The following SFI1 variants were observed in gnomAD, a reference collection of about 807,000 sequenced individuals.
SFI1 encodes SFI1 centrin binding protein.
SFI1 carries 195 observed loss-of-function variants against 207.5 expected under a neutral mutation model. That is an observed-to-expected ratio of 0.94 (90% CI 0.84 to 1.06). The LOEUF is 1.06. SFI1 is among the 50% of genes least tolerant of loss of function. The pLI, the probability that SFI1 is intolerant of heterozygous loss-of-function variation, is 0.00. For missense variants in SFI1, 1,634 were observed against 1,588.0 expected (o/e 1.03, Z -0.49); for synonymous variants, 630 against 598.9 (o/e 1.05, Z -0.76).
intron 2 of SFI1, chr22:31,521,238 C>T (rs190563039): frequency 5.5e-6 from 1 of 182,042 alleles, no homozygotes; most frequent in Non-Finnish European, 1.2e-5. Context: ...CAATCAGAGA[C>T]TTGCGAATGT....
chr22:31,599,701 C>G (rs1479646923), intron 15 of SFI1, among the ~76,000 whole-genome samples: 3 of 151,946 alleles, frequency 2.0e-5, no homozygotes, highest in Non-Finnish European at 4.4e-5. Context: ...GTCTCAAACT[C>G]CTGGGGTCAA....
chr22:31,562,983 T>A (rs1359508221), intron 8 of SFI1, among the ~76,000 whole-genome samples: 3 of 142,286 alleles, frequency 2.1e-5, no homozygotes, highest in Non-Finnish European at 3.1e-5. Context: ...TCATCATCTT[T>A]TATATATATA....
chr22:31,573,411 T>A (rs1167471236), intron 9 of SFI1, among the ~76,000 whole-genome samples, 197 bp downstream of exon 9: 1 of 152,132 alleles, frequency 6.6e-6, no homozygotes, highest in Non-Finnish European at 1.5e-5. Context: ...TATCTGTATC[T>A]ATATCTATCT....
intron 2 of SFI1, among the ~76,000 whole-genome samples, chr22:31,519,015 C>T (rs774730701): frequency 3.3e-5 from 5 of 152,126 alleles, no homozygotes; most frequent in Non-Finnish European, 5.9e-5. Flanking sequence ...TGCCCTGTGC[C>T]CCTCTTCCCT....
chr22:31,536,012 T>A (rs1173737874), intron 4 of SFI1, among the ~76,000 whole-genome samples: 1 of 152,226 alleles, frequency 6.6e-6, no homozygotes. Flanking sequence ...GTGGCTTTTT[T>A]AATGGGGTAT....
chr22:31,519,685 G>A (rs746190580), intron 2 of SFI1, among the ~76,000 whole-genome samples: 3 of 151,942 alleles, frequency 2.0e-5, no homozygotes, highest in Non-Finnish European at 4.4e-5. Context: ...TGATCCACCC[G>A]CCTTGGCTTT....
chr22:31,578,462 C>T lies in SFI1; in HGVS notation c.1155+10C>T, dbSNP rs775425785. ...CAGGCACAGCCAGCTGGTAAGAGCC[C>T]TGCATCCTGGCACGGGTCCGCTTGG... On this transcript the variant is annotated intron_variant, in intron 11 of 32. Coordinates refer to ENST00000400288, the MANE Select transcript of SFI1 (RefSeq NM_001007467.3). 11 of 1,612,120 alleles carry T rather than the reference C, an allele frequency of 6.8e-6. No individual in the cohort carries two copies. In the African/African-American group the frequency reaches 1.5e-4, roughly 22 times the overall value.
chr22:31,530,489 CAAAAAAAAAAAAAAA>C (rs3069094), intron 3 of SFI1: 6 of 114,016 alleles, frequency 5.3e-5, no homozygotes, highest in Non-Finnish European at 7.9e-5. Context: ...AACTCTGTCT[CAAAAAAAAAAAAAAA>C]AAAAAAAAAG....
chr22:31,547,576 G>T (rs2060207183), intron 5 of SFI1, among the ~76,000 whole-genome samples: 2 of 151,908 alleles, frequency 1.3e-5, no homozygotes, highest in African/African-American at 4.8e-5. Flanking sequence ...CTCCCGAAGT[G>T]CTGGGATTAC....
At position 31,561,253 on chromosome 22, in the gene SFI1, T is replaced by C. The variant is rs1569312767; in HGVS notation, c.663-37T>C. The C allele has an allele frequency of 1.9e-6, 3 of 1,598,704 alleles. No homozygotes were observed. The Admixed American group carries it at 5.1e-5, about 27-fold the overall frequency. On this transcript the variant is annotated intron_variant, in intron 7 of 32. Transcript: ENST00000400288. ...CTCCTCTCTTTCCTGAGTGGCTTTT[T>C]ACTGATGGATTCCATCTTTGATTTG...
intron 4 of SFI1, among the ~76,000 whole-genome samples, chr22:31,541,590 C>G (rs879932465): frequency 9.9e-5 from 15 of 151,078 alleles, no homozygotes; most frequent in Non-Finnish European, 1.3e-4. Context: ...CCCGTTTGTA[C>G]TAAAAATACA....
intron 2 of SFI1, among the ~76,000 whole-genome samples, chr22:31,511,559 C>A (rs2055558839): frequency 6.6e-6 from 1 of 151,034 alleles, no homozygotes; most frequent in Admixed American, 6.7e-5. Flanking sequence ...CCTCTGCCTC[C>A]CAGTTCAAGC....
At chr22:31,560,400 CTTTTTTTT>C (rs398061887) in intron 7 of SFI1, among the ~76,000 whole-genome samples, 1 of 125,540 alleles carries the variant, frequency 8.0e-6, no homozygotes, top group South Asian at 2.6e-4. Flanking sequence ...TGGTAATACT[CTTTTTTTT>C]TTTTTTTTTT....
rs563200419 is a variant in SFI1, at chr22:31,563,416, G to C, written c.765+2024G>C. On this transcript the variant is annotated intron_variant, in intron 8 of 32. Transcript: ENST00000400288. The stretch of plus-strand genomic sequence containing the variant: ...GGGATACTGACTAAACTTATAGACT[G>C]ACTGTGAATATAGGGAAACTAAACA... Among the ~76,000 whole-genome samples, 6 of 152,254 alleles carry C rather than the reference G, an allele frequency of 3.9e-5. No homozygotes were observed. In the South Asian group the frequency reaches 1.2e-3, roughly 32 times the overall value.
At chr22:31,614,003 GC>G in intron 27 of SFI1, 148 bp downstream of exon 27, 2 of 1,113,000 alleles carry the variant, frequency 1.8e-6, no homozygotes, top group Non-Finnish European at 2.4e-6. Context: ...CTCTTCTCCA[GC>G]CAGATCCCAT....
At chr22:31,563,426 A>G (rs1307878745) in intron 8 of SFI1, among the ~76,000 whole-genome samples, 2 of 152,206 alleles carry the variant, frequency 1.3e-5, no homozygotes, top group Non-Finnish European at 2.9e-5. Flanking sequence ...GACTGTGAAT[A>G]TAGGGAAACT....
chr22:31,591,117 T>C (rs1048587620), intron 15 of SFI1, among the ~76,000 whole-genome samples: 1 of 152,098 alleles, frequency 6.6e-6, no homozygotes, highest in Non-Finnish European at 1.5e-5. Context: ...CCCTGCGGCC[T>C]TCCGCAGTGT....
intron 2 of SFI1, among the ~76,000 whole-genome samples, chr22:31,517,436 TG>T (rs1456039077): frequency 6.6e-6 from 1 of 151,726 alleles, no homozygotes; most frequent in African/African-American, 2.4e-5. Flanking sequence ...TTTGTAGAGA[TG>T]GGCTTTCATC....
intron 15 of SFI1, among the ~76,000 whole-genome samples, chr22:31,593,227 T>TC (rs1312953261): frequency 6.7e-6 from 1 of 150,070 alleles, no homozygotes; most frequent in African/African-American, 2.5e-5. Context: ...GAGGGGCTCC[T>TC]CACTTCTCAG....
Sources: gnomAD v4.1 joint callset for allele counts (sites outside exome capture counted in the v4.1 genomes callset) on GRCh38, gnomAD v4.1.1 for gene constraint, MANE v1.5 for transcripts, NCBI Gene and HGNC (gene_info 2026-07-23, HGNC 2026-07-21) for gene names.